MAPK4: variants seen among roughly 807,000 people sequenced by gnomAD.
MAPK4 encodes the protein Erk3-related.
MAPK4 carries 22 observed loss-of-function variants against 47.7 expected under a neutral mutation model. That is an observed-to-expected ratio of 0.46 (90% CI 0.33 to 0.66). MAPK4 has a LOEUF of 0.66. Among genes scored for constraint, MAPK4 ranks in the 30% least tolerant of loss-of-function variants. The pLI is 0.02. For synonymous variants in MAPK4, 390 were observed against 365.7 expected (o/e 1.07, Z -0.76); for missense variants, 736 against 831.7 (o/e 0.88, Z 1.42).
At chr18:50,658,861 G>A (rs1471010283) in intron 1 of MAPK4, among the ~76,000 whole-genome samples, 1 of 152,188 alleles carries the variant, frequency 6.6e-6, no homozygotes, top group Non-Finnish European at 1.5e-5. Context: ...CAGTGCAGGA[G>A]GAGCCAGAAA....
chr18:50,694,708 T>C (rs1488174031), intron 2 of MAPK4, among the ~76,000 whole-genome samples: 4 of 152,198 alleles, frequency 2.6e-5, no homozygotes, highest in African/African-American at 9.7e-5. Flanking sequence ...TGGTCACTTA[T>C]TCATCCAGGA....
At chr18:50,659,548 A>G (rs985910500) in intron 1 of MAPK4, among the ~76,000 whole-genome samples, 13 of 152,210 alleles carry the variant, frequency 8.5e-5, no homozygotes, top group Non-Finnish European at 1.9e-4. Flanking sequence ...ACGCCATCTC[A>G]TCTCTGGTTT....
intron 1 of MAPK4, among the ~76,000 whole-genome samples, chr18:50,587,529 G>A (rs73959976): frequency 6.6e-6 from 1 of 152,260 alleles, no homozygotes; most frequent in African/African-American, 2.4e-5. Context: ...GTCAGAGCTG[G>A]AGCCTAGGCC....
chr18:50,706,721 AGAG>A (rs1329810698), intron 2 of MAPK4, among the ~76,000 whole-genome samples: 3 of 152,170 alleles, frequency 2.0e-5, no homozygotes, highest in Non-Finnish European at 2.9e-5. Flanking sequence ...AATGCCCCAC[AGAG>A]GAGAACTTGT....
intron 2 of MAPK4, among the ~76,000 whole-genome samples, chr18:50,677,563 TG>T (rs1908346907): frequency 6.6e-6 from 1 of 150,908 alleles, no homozygotes; most frequent in African/African-American, 2.5e-5. Context: ...GGTTTTTTTT[TG>T]TTGTTTTTTT....
rs9944772 is a variant in MAPK4 at position 50,580,812 on chromosome 18, T to C, written c.-871+20569T>C. On this transcript the variant is annotated intron_variant, in intron 1 of 5. Coordinates refer to ENST00000400384, the MANE Select transcript of MAPK4 (RefSeq NM_002747.4). ...CGCCTCCTCCGATACTAGTAAATCT[T>C]AGGGCAGAAACTTAAATCGATTACA... Among the ~76,000 whole-genome samples, 484 of 152,318 alleles carry C rather than the reference T, an allele frequency of 3.2e-3. 1 individual carries two copies. The highest frequency in any genetic ancestry group is 0.011 in the African/African-American group (447 of 41,586).
At chr18:50,690,926 G>T (rs186514361) in intron 2 of MAPK4, among the ~76,000 whole-genome samples, 5 of 152,160 alleles carry the variant, frequency 3.3e-5, no homozygotes, top group Admixed American at 1.3e-4. Context: ...AGGTACCAAA[G>T]AGGTGTGAAG....
At chr18:50,580,189 G>T (rs1297819819) in intron 1 of MAPK4, among the ~76,000 whole-genome samples, 1 of 152,178 alleles carries the variant, frequency 6.6e-6, no homozygotes, top group South Asian at 2.1e-4. Flanking sequence ...TGGAGGAGGA[G>T]GAGGCAGGGG....
chr18:50,708,380 C>T (rs1004771096), intron 2 of MAPK4, among the ~76,000 whole-genome samples: 2 of 152,120 alleles, frequency 1.3e-5, no homozygotes, highest in African/African-American at 2.4e-5. Flanking sequence ...GTCTGCTGCT[C>T]GGTTTGAGAA....
At chr18:50,573,001 ACACT>A (rs1355532851) in intron 1 of MAPK4, among the ~76,000 whole-genome samples, 3 of 152,218 alleles carry the variant, frequency 2.0e-5, no homozygotes, top group Admixed American at 6.5e-5. Flanking sequence ...TACAGGGGAC[ACACT>A]CAGGAGCATG....
chr18:50,725,907 T>C, intron 4 of MAPK4, 55 bp from the exon 5 acceptor site: 1 of 1,411,394 alleles, frequency 7.1e-7, no homozygotes, highest in African/African-American at 1.4e-5. Flanking sequence ...GGAATCTCCT[T>C]CTGAGCTCAA....
chr18:50,609,661 T>G (rs568728185), intron 1 of MAPK4, among the ~76,000 whole-genome samples: 21 of 152,126 alleles, frequency 1.4e-4, no homozygotes, highest in Non-Finnish European at 2.4e-4. Flanking sequence ...GTCCCTATGA[T>G]AGGTTCTGCT....
chr18:50,713,574 A>C (rs963862105), intron 2 of MAPK4, among the ~76,000 whole-genome samples: 3 of 152,248 alleles, frequency 2.0e-5, no homozygotes, highest in African/African-American at 7.2e-5. Flanking sequence ...CAGTAGCTGC[A>C]TAACAAGACA....
rs532591678 is a variant in MAPK4 at position 50,695,420 on chromosome 18, C to T, written c.547-19659C>T. Among the ~76,000 whole-genome samples the T allele has an allele frequency of 9.3e-5, 14 of 151,118 alleles. No homozygotes were observed. The East Asian group carries it at 2.0e-3, about 21-fold the overall frequency. On this transcript the variant is annotated intron_variant, in intron 2 of 5. Transcript: ENST00000400384. ...AGTGTCATGTATAGCCAGTGTGAAG[C>T]GAGTGATACCGACTGGGTCTTGTAT...
At chr18:50,561,048 C>G (rs930769017) in intron 1 of MAPK4, among the ~76,000 whole-genome samples, 2 of 152,204 alleles carry the variant, frequency 1.3e-5, no homozygotes, top group Admixed American at 1.3e-4. Context: ...GGTGCGTCCC[C>G]GAAATGACCA....
At position 50,686,317 on chromosome 18, in the gene MAPK4, T is replaced by C. The variant is rs548951959; in HGVS notation, c.546+21813T>C. Among the ~76,000 whole-genome samples, 8 of 152,326 alleles carry C rather than the reference T, an allele frequency of 5.3e-5. No individual in the cohort carries two copies. The East Asian group carries it at 1.2e-3, about 22-fold the overall frequency. ...ATTAAATTCTGTTCCCTGGCAGCTA[T>C]GTACCCAGGCAGGAGATTGAATGGG... On this transcript the variant is annotated intron_variant, in intron 2 of 5. Coordinates refer to ENST00000400384, the MANE Select transcript of MAPK4 (RefSeq NM_002747.4).
At chr18:50,651,243 AT>A (rs1335244713) in intron 1 of MAPK4, among the ~76,000 whole-genome samples, 1 of 152,098 alleles carries the variant, frequency 6.6e-6, no homozygotes, top group Non-Finnish European at 1.5e-5. Context: ...CATGAGCTCC[AT>A]TGCTTTCTTG....
At chr18:50,691,916 A>G (rs1033399530) in intron 2 of MAPK4, among the ~76,000 whole-genome samples, 2 of 151,984 alleles carry the variant, frequency 1.3e-5, no homozygotes, top group African/African-American at 4.8e-5. Flanking sequence ...CTACCTGAGC[A>G]CTCAGATCTA....
intron 2 of MAPK4, among the ~76,000 whole-genome samples, chr18:50,672,725 G>T (rs1336074056): frequency 6.6e-6 from 1 of 152,164 alleles, no homozygotes; most frequent in Non-Finnish European, 1.5e-5. Flanking sequence ...GCCAGCCAGG[G>T]TCCTGAAGCA....
Sources: gnomAD v4.1 joint callset for allele counts (sites outside exome capture counted in the v4.1 genomes callset) on GRCh38, gnomAD v4.1.1 for gene constraint, MANE v1.5 for transcripts, NCBI Gene and HGNC (gene_info 2026-07-23, HGNC 2026-07-21) for gene names.